The following NMU variants were observed in gnomAD, a reference collection of about 807,000 sequenced individuals.
The protein encoded by NMU is neuromedin-U.
In NMU, 29 loss-of-function variants were observed where a neutral mutation model predicts 35.4. The observed-to-expected ratio is 0.82, with a 90% CI of 0.61 to 1.12. The LOEUF (loss-of-function observed/expected upper bound fraction) is 1.12, where lower values mean the gene tolerates loss of function less well. NMU is among the 50% of genes most tolerant of loss of function. The pLI is 0.00. For synonymous variants in NMU, 78 were observed against 81.3 expected, an observed-to-expected ratio of 0.96 and a Z score of 0.22; for missense variants, 199 against 206.2, an observed-to-expected ratio of 0.97 and a Z score of 0.21.
intron 2 of NMU, among the ~76,000 whole-genome samples, chr4:55,627,744 A>G (rs1483780871): frequency 6.6e-6 from 1 of 152,190 alleles, no homozygotes; most frequent in Non-Finnish European, 1.5e-5. Context: ...GAACTCTCAA[A>G]CGAGTTCTAA....
chr4:55,619,904 C>T (rs914117178), intron 2 of NMU, among the ~76,000 whole-genome samples: 5 of 129,020 alleles, frequency 3.9e-5, no homozygotes, highest in African/African-American at 1.3e-4. Flanking sequence ...AGCAGGGGCA[C>T]ACTGACACCT....
chr4:55,633,256 C>T (rs1449780888), intron 1 of NMU, among the ~76,000 whole-genome samples: 7 of 149,648 alleles, frequency 4.7e-5, no homozygotes, highest in South Asian at 2.2e-4. Flanking sequence ...ACCCGGGAGG[C>T]GGAGCTTGCA....
chr4:55,631,834 A>T (rs1247657999), intron 1 of NMU, among the ~76,000 whole-genome samples: 4 of 148,152 alleles, frequency 2.7e-5, no homozygotes, highest in African/African-American at 9.9e-5. Flanking sequence ...AAGGAAAAGA[A>T]GTCATTATAT....
intron 9 of NMU, 50 bp from the exon 10 acceptor site, chr4:55,595,461 G>A (rs1295003239): frequency 1.3e-5 from 2 of 150,284 alleles, no homozygotes; most frequent in Admixed American, 1.3e-4. Flanking sequence ...ACGTGAATGT[G>A]TGTATATAAT....
chr4:55,633,120 T>G (rs530536082), intron 1 of NMU, among the ~76,000 whole-genome samples: 14 of 152,044 alleles, frequency 9.2e-5, no homozygotes, highest in Admixed American at 2.6e-4. Context: ...GTCAGGAGAT[T>G]GAGACGATCC....
chr4:55,597,334 T>TTTCTTC (rs916699168), intron 9 of NMU, among the ~76,000 whole-genome samples: 1 of 151,548 alleles, frequency 6.6e-6, no homozygotes, highest in African/African-American at 2.4e-5. Flanking sequence ...GTTTCTTTTT[T>TTTCTTC]TTCTTCTTCT....
At chr4:55,614,308 T>C (rs1196847940) in intron 3 of NMU, among the ~76,000 whole-genome samples, 2 of 152,066 alleles carry the variant, frequency 1.3e-5, no homozygotes, top group African/African-American at 4.8e-5. Flanking sequence ...GAGAGCCAAA[T>C]CAGTAAAACC....
intron 9 of NMU, among the ~76,000 whole-genome samples, chr4:55,598,862 A>T (rs1024660560): frequency 2.6e-5 from 4 of 152,208 alleles, no homozygotes; most frequent in African/African-American, 9.6e-5. Context: ...ATCACTTATG[A>T]TCATTACTAT....
At chr4:55,626,670 T>C (rs1734542894) in intron 2 of NMU, among the ~76,000 whole-genome samples, 1 of 152,208 alleles carries the variant, frequency 6.6e-6, no homozygotes, top group African/African-American at 2.4e-5. Flanking sequence ...GTCATGCCAC[T>C]GTACTCCAGC....
In NMU at chr4:55,596,312, C is replaced by T. The variant is rs943692988; in HGVS notation, c.*5-901G>A. 3.4e-5 allele frequency among the ~76,000 whole-genome samples: 5 copies of T among 149,238 alleles called. No individual in the cohort carries two copies. The South Asian group carries it at 1.0e-3, about 31-fold the overall frequency. ...TCACGAGTACATTAGTTTATGGACA[C>T]CCTAATCTTGAAAATAATCTGAATA... On this transcript the variant is annotated intron_variant, in intron 9 of 9. Transcript: ENST00000264218.
intron 9 of NMU, among the ~76,000 whole-genome samples, chr4:55,598,087 TGG>T (rs1389379010): frequency 1.8e-5 from 2 of 112,742 alleles, no homozygotes; most frequent in Non-Finnish European, 3.4e-5. Flanking sequence ...GTTTTGGTTG[TGG>T]TTTTTTTTTT....
At chr4:55,618,620 CTCT>C (rs1303878897) in intron 2 of NMU, among the ~76,000 whole-genome samples, 5 of 150,708 alleles carry the variant, frequency 3.3e-5, no homozygotes, top group Non-Finnish European at 7.4e-5. Context: ...TTTCTCTCTC[CTCT>C]TTCTTCTTTC....
At chr4:55,614,381 G>T (rs996553189) in intron 3 of NMU, among the ~76,000 whole-genome samples, 1 of 152,006 alleles carries the variant, frequency 6.6e-6, no homozygotes, top group Non-Finnish European at 1.5e-5. Flanking sequence ...AATGATATTT[G>T]TTACAAGAGA....
intron 7 of NMU, among the ~76,000 whole-genome samples, chr4:55,604,424 G>T (rs972472543): frequency 1.3e-5 from 2 of 151,472 alleles, no homozygotes; most frequent in Non-Finnish European, 2.9e-5. Flanking sequence ...GTGTTAATGG[G>T]GTTACATTCA....
intron 2 of NMU, 40 bp from the exon 3 acceptor site, chr4:55,616,425 A>G: frequency 7.2e-7 from 1 of 1,389,834 alleles, no homozygotes; most frequent in Non-Finnish European, 1.0e-6. Flanking sequence ...CTGGGAATGG[A>G]CAGAAAATAA....
At chr4:55,625,184 A>C (rs1734475342) in intron 2 of NMU, among the ~76,000 whole-genome samples, 2 of 149,366 alleles carry the variant, frequency 1.3e-5, no homozygotes, top group African/African-American at 2.4e-5. Context: ...AAAAAAAAAA[A>C]AAAAAAAGAA....
At position 55,600,582 on chromosome 4, in the gene NMU, G is replaced by T. The variant is rs1733385551; in HGVS notation, c.436-7C>A. On this transcript the variant is annotated splice_region_variant and splice_polypyrimidine_tract_variant and intron_variant, in intron 7 of 9. Transcript: ENST00000264218. ...AGGGACTTTGGAATTCTTCCTAGAA[G>T]AGAAAATGAGGGCATTACAAATCAC... 2 of 1,601,834 alleles carry T rather than the reference G, an allele frequency of 1.2e-6. No individual in the cohort carries two copies. Among genetic ancestry groups the T allele is most frequent in the African/African-American group, 1.3e-5 (1 of 74,628 alleles).
At chr4:55,605,931 A>C (rs2110189607) in intron 6 of NMU, among the ~76,000 whole-genome samples, 1 of 152,350 alleles carries the variant, frequency 6.6e-6, no homozygotes. Flanking sequence ...AAGCCAAAGA[A>C]ATTGAAAGCA....
chr4:55,634,333 A>G (rs891327831), intron 1 of NMU, among the ~76,000 whole-genome samples: 6 of 152,200 alleles, frequency 3.9e-5, no homozygotes, highest in African/African-American at 1.4e-4. Context: ...AGGGGAATGA[A>G]GACACAAAAG....
Sources: gnomAD v4.1 joint callset for allele counts (sites outside exome capture counted in the v4.1 genomes callset) on GRCh38, gnomAD v4.1.1 for gene constraint, MANE v1.5 for transcripts, NCBI Gene and HGNC (gene_info 2026-07-23, HGNC 2026-07-21) for gene names.